The following LIMD1 variants were observed in gnomAD, a reference collection of about 807,000 sequenced individuals.
LIMD1 encodes the protein LIM domain-containing protein 1.
Under a neutral mutation model 58.4 loss-of-function variants are expected in LIMD1, and 23 were observed. That is an observed-to-expected ratio of 0.39 (90% CI 0.28 to 0.56). The LOEUF is 0.56. Ranked by LOEUF, LIMD1 falls within the 20% of genes least tolerant of loss-of-function variation. The pLI is 0.57. For synonymous variants in LIMD1, 334 were observed against 345.5 expected (o/e 0.97, Z 0.37); for missense variants, 838 against 855.5 (o/e 0.98, Z 0.25).
intron 2 of LIMD1, among the ~76,000 whole-genome samples, chr3:45,649,903 T>C (rs978481765): frequency 6.8e-6 from 1 of 147,636 alleles, no homozygotes; most frequent in African/African-American, 2.5e-5. Flanking sequence ...AAATCTGATA[T>C]CTCTATTCTC....
At position 45,665,736 on chromosome 3, in the gene LIMD1, C is replaced by G. The variant is rs761688509; in HGVS notation, c.1578+19C>G. On this transcript the variant is annotated intron_variant, in intron 3 of 7. Coordinates refer to ENST00000273317, the MANE Select transcript of LIMD1 (RefSeq NM_014240.3). ...CTTCCTGGTGAGTGTGTCACCGAAG[C>G]CTCCCCTTGCATGTCCTGGCCAGAG... 1.9e-6 allele frequency: 3 copies of G among 1,610,112 alleles called. No homozygotes were observed. The South Asian group carries it at 3.3e-5, about 18-fold the overall frequency.
intron 2 of LIMD1, among the ~76,000 whole-genome samples, chr3:45,651,558 C>G (rs1364563999): frequency 2.0e-5 from 3 of 152,078 alleles, no homozygotes; most frequent in Non-Finnish European, 2.9e-5. Context: ...ATATGGCTAG[C>G]CAGTTTTCCC....
chr3:45,597,691 G>A lies in LIMD1; in HGVS notation c.1408+1404G>A, dbSNP rs574395579. ...CCATAGCCTGAGTCCTGCTGGGGTA[G>A]CAGCTCTGCCTAGTGGAGGGCAGGG... On this transcript the variant is annotated intron_variant, in intron 1 of 7. Coordinates refer to ENST00000273317, the MANE Select transcript of LIMD1 (RefSeq NM_014240.3). Among the ~76,000 whole-genome samples, 5 of 152,338 alleles carry A rather than the reference G, an allele frequency of 3.3e-5. No homozygotes were observed. The South Asian group carries it at 1.0e-3, about 32-fold the overall frequency.
chr3:45,651,130 G>T (rs1352507174), intron 2 of LIMD1, among the ~76,000 whole-genome samples: 1 of 152,106 alleles, frequency 6.6e-6, no homozygotes, highest in South Asian at 2.1e-4. Flanking sequence ...CTGCATAAAT[G>T]TCTTCTTTTG....
chr3:45,613,101 C>T (rs1701542323), intron 1 of LIMD1: 1 of 152,160 alleles, frequency 6.6e-6, no homozygotes, highest in Non-Finnish European at 1.5e-5. Flanking sequence ...TGCTGGAGTG[C>T]TTTCTAGTGT....
intron 1 of LIMD1, among the ~76,000 whole-genome samples, chr3:45,617,156 C>G (rs1394218503): frequency 1.3e-5 from 2 of 151,582 alleles, no homozygotes; most frequent in South Asian, 2.1e-4. Context: ...GCCTCGGCCT[C>G]CCTAGTAGCT....
At chr3:45,612,070 GCTCTCTCT>G (rs112847908) in intron 1 of LIMD1, among the ~76,000 whole-genome samples, 43 of 144,842 alleles carry the variant, frequency 3.0e-4, no homozygotes, top group African/African-American at 8.6e-4. Flanking sequence ...GCAGGTGCGC[GCTCTCTCT>G]CTCTCTCTCT....
intron 7 of LIMD1, 140 bp from the exon 8 acceptor site, chr3:45,676,782 G>C (rs746135348): frequency 4.9e-4 from 392 of 804,302 alleles, no homozygotes; most frequent in Middle Eastern, 1.6e-3. Flanking sequence ...CACGGGGCAG[G>C]AGCTGTGTTT....
At chr3:45,626,355 C>T (rs549419226) in intron 1 of LIMD1, among the ~76,000 whole-genome samples, 24 of 152,130 alleles carry the variant, frequency 1.6e-4, no homozygotes, top group African/African-American at 5.8e-4. Flanking sequence ...TAGATGACTG[C>T]ATCAATAAAT....
intron 1 of LIMD1, among the ~76,000 whole-genome samples, chr3:45,605,894 G>A (rs772040147): frequency 2.0e-5 from 3 of 152,190 alleles, no homozygotes; most frequent in Non-Finnish European, 4.4e-5. Context: ...ATTTGTCATA[G>A]GACAGTGGGC....
At chr3:45,612,353 G>T (rs1188775316) in intron 1 of LIMD1, among the ~76,000 whole-genome samples, 1 of 152,160 alleles carries the variant, frequency 6.6e-6, no homozygotes. Flanking sequence ...CAAAGTGCTA[G>T]GATAACAGGT....
At chr3:45,645,345 T>G (rs1457540198) in intron 2 of LIMD1, among the ~76,000 whole-genome samples, 1 of 152,234 alleles carries the variant, frequency 6.6e-6, no homozygotes, top group African/African-American at 2.4e-5. Flanking sequence ...TCAGATTCCT[T>G]TGTTCCTATC....
At chr3:45,649,491 C>A (rs1009706380) in intron 2 of LIMD1, among the ~76,000 whole-genome samples, 4 of 151,478 alleles carry the variant, frequency 2.6e-5, no homozygotes, top group African/African-American at 9.7e-5. Flanking sequence ...ACCATCCTGA[C>A]TAACATGGTG....
chr3:45,622,842 A>G (rs189852332), intron 1 of LIMD1, among the ~76,000 whole-genome samples: 2 of 151,890 alleles, frequency 1.3e-5, no homozygotes, highest in African/African-American at 4.8e-5. Context: ...TAATTTTTGT[A>G]TTTTTAGTAG....
At chr3:45,625,489 G>C (rs771954946) in intron 1 of LIMD1, among the ~76,000 whole-genome samples, 1 of 152,060 alleles carries the variant, frequency 6.6e-6, no homozygotes, top group African/African-American at 2.4e-5. Context: ...TGCTTATTTG[G>C]CATCTACTGT....
rs372338176 is a variant in LIMD1 at position 45,636,133 on chromosome 3, T to C, written c.1409-17T>C. 4 of 1,612,052 alleles carry C rather than the reference T, an allele frequency of 2.5e-6. No individual in the cohort carries two copies. The highest frequency in any genetic ancestry group is 2.5e-6 in the Non-Finnish European group (3 of 1,178,716). On this transcript the variant is annotated splice_polypyrimidine_tract_variant and intron_variant, in intron 1 of 7. Coordinates refer to ENST00000273317, the MANE Select transcript of LIMD1 (RefSeq NM_014240.3). Reference sequence around the variant, plus strand: ...TGGTTCCCTCCTGACTCACTGATGTTTCTCTTGTCCTGCAAGGAGCCTGTG... The same window carrying C: ...TGGTTCCCTCCTGACTCACTGATGTCTCTCTTGTCCTGCAAGGAGCCTGTG...
intron 2 of LIMD1, among the ~76,000 whole-genome samples, chr3:45,654,880 T>C (rs1235666148): frequency 6.6e-6 from 1 of 151,422 alleles, no homozygotes; most frequent in Admixed American, 6.6e-5. Context: ...AAGTGTCTTT[T>C]TGGAGTGGAT....
At chr3:45,622,061 CAAA>C (rs34085619) in intron 1 of LIMD1, among the ~76,000 whole-genome samples, 6 of 108,616 alleles carry the variant, frequency 5.5e-5, no homozygotes, top group East Asian at 2.6e-4. Flanking sequence ...GACTCCATCT[CAAA>C]AAAAAAAAAA....
chr3:45,596,998 A>G (rs536101035), intron 1 of LIMD1, among the ~76,000 whole-genome samples: 4 of 150,208 alleles, frequency 2.7e-5, no homozygotes, highest in Middle Eastern at 3.4e-3. Context: ...AGTAGCTGGG[A>G]CTACAGGCAC....
Sources: gnomAD v4.1 joint callset for allele counts (sites outside exome capture counted in the v4.1 genomes callset) on GRCh38, gnomAD v4.1.1 for gene constraint, MANE v1.5 for transcripts, NCBI Gene and HGNC (gene_info 2026-07-23, HGNC 2026-07-21) for gene names.